Variants in WASHC4 observed in about 807,000 individuals in gnomAD.
WASHC4 encodes the protein WASH complex subunit 7.
Under a neutral mutation model 166.6 loss-of-function variants are expected in WASHC4, and 86 were observed. The observed-to-expected ratio is 0.52, with a 90% confidence interval of 0.43 to 0.62. WASHC4 has a LOEUF of 0.62. Among genes scored for constraint, WASHC4 ranks in the 20% least tolerant of loss-of-function variants. The pLI is 0.00. For synonymous variants in WASHC4, 446 were observed against 451.6 expected, an observed-to-expected ratio of 0.99 and a Z score of 0.16; for missense variants, 1,262 against 1,382.4, an observed-to-expected ratio of 0.91 and a Z score of 1.38.
chr12:105,110,881 A>G (rs1879620817), intron 1 of WASHC4, among the ~76,000 whole-genome samples: 1 of 152,170 alleles, frequency 6.6e-6, no homozygotes, highest in Admixed American at 6.5e-5. Context: ...TTTTCATAAT[A>G]TGTTAGGGTT....
At chr12:105,122,045 C>T in intron 9 of WASHC4, 73 bp from the exon 10 acceptor site, 6 of 1,143,262 alleles carry the variant, frequency 5.2e-6, no homozygotes, top group Middle Eastern at 2.9e-4. Context: ...TTTTGACTTC[C>T]AGGAAAATTT....
intron 7 of WASHC4, among the ~76,000 whole-genome samples, 160 bp from the exon 8 acceptor site, chr12:105,120,395 T>C (rs1334807149): frequency 1.3e-5 from 2 of 152,172 alleles, no homozygotes; most frequent in Non-Finnish European, 2.9e-5. Flanking sequence ...GTTCTCTTCT[T>C]GGGAAAGTGG....
chr12:105,121,405 A>G (rs755788324), intron 9 of WASHC4, among the ~76,000 whole-genome samples: 7 of 152,224 alleles, frequency 4.6e-5, no homozygotes, highest in Non-Finnish European at 1.0e-4. Context: ...AGTATAATAC[A>G]TCTGTATAAA....
chr12:105,148,665 A>G (rs1883503290), intron 24 of WASHC4: 1 of 985,364 alleles, frequency 1.0e-6, no homozygotes. Flanking sequence ...AAGCTACAAG[A>G]TAAGTTCCCG....
chr12:105,123,880 C>A (rs904246486), intron 10 of WASHC4, among the ~76,000 whole-genome samples: 7 of 152,148 alleles, frequency 4.6e-5, no homozygotes. Context: ...TTCTGAAAAT[C>A]TTAGGGCCCT....
In WASHC4 at chr12:105,157,233, T is replaced by C; in HGVS notation, c.2826-3T>C. On this transcript the variant is annotated splice_region_variant and splice_polypyrimidine_tract_variant and intron_variant, in intron 27 of 32. Coordinates refer to ENST00000332180, the MANE Select transcript of WASHC4 (RefSeq NM_015275.3). ...ATAAATGCCTTCCCAAATTCTTATGTAGATTTGTTCCTGATCTTGAAGATA... is the reference window on the plus strand; with the variant it reads ...ATAAATGCCTTCCCAAATTCTTATGCAGATTTGTTCCTGATCTTGAAGATA... 1 of 1,444,712 alleles carries C rather than the reference T, an allele frequency of 6.9e-7. No homozygotes were observed. The highest frequency in any genetic ancestry group is 9.7e-7 in the Non-Finnish European group (1 of 1,028,952). 89.5% of individuals were successfully genotyped at this position (1,444,712 alleles called of 1,614,324 possible).
intron 24 of WASHC4, 26 bp downstream of exon 24, chr12:105,147,172 G>A: frequency 1.5e-6 from 2 of 1,305,712 alleles, no homozygotes; most frequent in Non-Finnish European, 2.2e-6. Context: ...TGGGGGTTGA[G>A]TGGGTAATAG....
chr12:105,118,845 GT>G (rs1170652501), intron 7 of WASHC4, among the ~76,000 whole-genome samples: 1 of 152,094 alleles, frequency 6.6e-6, no homozygotes, highest in Non-Finnish European at 1.5e-5. Context: ...TACACGAATG[GT>G]TGCCTGACTC....
At chr12:105,140,132 A>G (rs1882702096) in intron 15 of WASHC4, among the ~76,000 whole-genome samples, 162 bp from the exon 16 acceptor site, 1 of 152,026 alleles carries the variant, frequency 6.6e-6, no homozygotes, top group African/African-American at 2.4e-5. Flanking sequence ...CGACCTCCCA[A>G]AGTGCTGGGA....
chr12:105,125,724 A>G (rs1881219895), intron 10 of WASHC4, among the ~76,000 whole-genome samples: 2 of 152,260 alleles, frequency 1.3e-5, no homozygotes, highest in Admixed American at 6.5e-5. Context: ...TCTTTTATAC[A>G]TCTCTGAACA....
chr12:105,163,801 A>C (rs187049821), intron 30 of WASHC4, among the ~76,000 whole-genome samples: 6 of 152,228 alleles, frequency 3.9e-5, no homozygotes, highest in Admixed American at 3.9e-4. Flanking sequence ...CAAGTCATGG[A>C]AAGTTTTATT....
Position 105,149,601 on chromosome 12 carries a change from TTTTAA to T in WASHC4, c.2515-10_2515-6del. 7.2e-7 allele frequency: 1 copy of T among 1,393,008 alleles called. No homozygotes were observed. The highest frequency in any genetic ancestry group is 1.0e-6 in the Non-Finnish European group (1 of 992,518). 86.3% of individuals were successfully genotyped at this position (1,393,008 alleles called of 1,614,324 possible). A position where few individuals can be genotyped will look rare whatever the true frequency, so the allele number is the denominator to read the frequency against. On this transcript the variant is annotated splice_polypyrimidine_tract_variant and intron_variant, in intron 24 of 32. Coordinates refer to ENST00000332180, the MANE Select transcript of WASHC4 (RefSeq NM_015275.3). ...TATTAACTTTTTTCAACTTTTTGAA[TTTTAA>T]TTTTATAGGTTAATTTCACCTACCA...
chr12:105,127,674 T>C (rs1357778305), intron 13 of WASHC4, among the ~76,000 whole-genome samples: 1 of 152,170 alleles, frequency 6.6e-6, no homozygotes, highest in African/African-American at 2.4e-5. Context: ...TGCTTCCTTT[T>C]TCCCCCTTCT....
At chr12:105,124,757 G>A (rs2135747983) in intron 10 of WASHC4, among the ~76,000 whole-genome samples, 1 of 152,284 alleles carries the variant, frequency 6.6e-6, no homozygotes, top group South Asian at 2.1e-4. Context: ...GGGATTACAG[G>A]CATGAGCCAC....
At position 105,133,802 on chromosome 12, in the gene WASHC4, C is replaced by T. The variant is rs755725331; in HGVS notation, c.1232C>T (p.Ser411Leu). ...DVQSYYVFVS[S>L]WMMKMESILS... ...CAGTCTTACTACGTCTTTGTGAGCT[C>T]ATGGATGATGAAAATGGAATCTATT... Residue 411 changes from serine (S) to leucine (L), a missense_variant, in exon 14 of 33, where the codon TCA (serine) becomes TTA (leucine). By Grantham distance (145) the Ser-to-Leu change is moderately radical. Coordinates refer to ENST00000332180, the MANE Select transcript of WASHC4 (RefSeq NM_015275.3). The T allele has an allele frequency of 6.2e-7, 1 of 1,612,308 alleles. No homozygotes were observed. Among genetic ancestry groups the T allele is most frequent in the South Asian group, 1.1e-5 (1 of 91,036 alleles).
chr12:105,117,084 C>G (rs966117931), intron 6 of WASHC4, among the ~76,000 whole-genome samples: 22 of 152,094 alleles, frequency 1.4e-4, no homozygotes, highest in Admixed American at 3.3e-4. Flanking sequence ...TTAATCATTC[C>G]TGGTAAATTG....
chr12:105,147,190 T>A, intron 24 of WASHC4, 44 bp downstream of exon 24: 1 of 1,082,530 alleles, frequency 9.2e-7, no homozygotes, highest in Non-Finnish European at 1.4e-6. Flanking sequence ...TAGACCCGTT[T>A]AATAGCTTGG....
Position 105,119,957 on chromosome 12 carries a change from G to A in WASHC4, c.519-598G>A, listed in dbSNP as rs74241098. On this transcript the variant is annotated intron_variant, in intron 7 of 32. Coordinates refer to ENST00000332180, the MANE Select transcript of WASHC4 (RefSeq NM_015275.3). ...CTAAAGACCAGTTTGGAGGCTGGGC[G>A]CGGTGGCTCATGCCTGTAATCCCAG... Among the ~76,000 whole-genome samples, 496 of 152,262 alleles carry A rather than the reference G, an allele frequency of 3.3e-3. 19 individuals carry two copies. In the East Asian group the frequency reaches 0.072, roughly 22 times the overall value.
At chr12:105,165,058 TAGA>T (rs1884727701) in intron 32 of WASHC4, among the ~76,000 whole-genome samples, 1 of 152,192 alleles carries the variant, frequency 6.6e-6, no homozygotes, top group South Asian at 2.1e-4. Flanking sequence ...AAGGAACAAA[TAGA>T]GGAGGACAGC....
Sources: gnomAD v4.1 joint callset for allele counts (sites outside exome capture counted in the v4.1 genomes callset) on GRCh38, gnomAD v4.1.1 for gene constraint, MANE v1.5 for transcripts, NCBI Gene and HGNC (gene_info 2026-07-23, HGNC 2026-07-21) for gene names.